MIB1: variants seen among roughly 807,000 people sequenced by gnomAD.
MIB1 encodes MIB E3 ubiquitin protein ligase 1.
MIB1 carries 278 observed loss-of-function variants against 124.5 expected under a neutral mutation model. The observed-to-expected ratio is 2.23, with a 90% CI of 2.02 to 2.47. The LOEUF (loss-of-function observed/expected upper bound fraction) is 2.47. Ranked by LOEUF, MIB1 falls within the 30% of genes most tolerant of loss-of-function variation. The pLI, the probability that MIB1 is intolerant of heterozygous loss-of-function variation, is 0.00. For missense variants in MIB1, 957 were observed against 1,254.4 expected (o/e 0.76, Z 3.58); for synonymous variants, 446 against 429.4 (o/e 1.04, Z -0.48).
At chr18:21,788,672 G>A (rs1391183512) in intron 6 of MIB1, among the ~76,000 whole-genome samples, 19 of 152,118 alleles carry the variant, frequency 1.2e-4, no homozygotes, top group Admixed American at 1.2e-3. Context: ...AAGAAGATGT[G>A]AAACTAACTT....
At chr18:21,708,273 A>G (rs911430255) in intron 1 of MIB1, among the ~76,000 whole-genome samples, 3 of 152,252 alleles carry the variant, frequency 2.0e-5, no homozygotes, top group East Asian at 3.8e-4. Flanking sequence ...TGGGGGCCTC[A>G]GTTCCTTGTC....
chr18:21,719,094 A>G (rs1164802050), intron 1 of MIB1, among the ~76,000 whole-genome samples: 2 of 151,984 alleles, frequency 1.3e-5, no homozygotes, highest in Admixed American at 6.6e-5. Flanking sequence ...AGGCCGAGGC[A>G]GGAGAATCGT....
At chr18:21,789,914 G>A (rs1255086144) in intron 6 of MIB1, among the ~76,000 whole-genome samples, 4 of 152,170 alleles carry the variant, frequency 2.6e-5, no homozygotes, top group African/African-American at 9.7e-5. Context: ...CTTGACAAGG[G>A]AACCTTTACT....
At chr18:21,734,533 C>CTCTT (rs1032149206) in intron 1 of MIB1, among the ~76,000 whole-genome samples, 1 of 148,574 alleles carries the variant, frequency 6.7e-6, no homozygotes, top group Non-Finnish European at 1.5e-5. Context: ...TTCTCTTTCT[C>CTCTT]TCTTTCTTTC....
chr18:21,819,836 G>A (rs1239556406), intron 12 of MIB1, among the ~76,000 whole-genome samples, 190 bp downstream of exon 12: 1 of 152,114 alleles, frequency 6.6e-6, no homozygotes, highest in Admixed American at 6.5e-5. Context: ...CAAATATTAT[G>A]AAATGATTAT....
intron 1 of MIB1, among the ~76,000 whole-genome samples, chr18:21,743,434 A>G (rs998301394): frequency 3.9e-5 from 6 of 152,256 alleles, no homozygotes; most frequent in Non-Finnish European, 7.3e-5. Flanking sequence ...TTTCTTTACA[A>G]TGATGCAGTG....
At chr18:21,744,412 T>C (rs1247246618) in intron 1 of MIB1, among the ~76,000 whole-genome samples, 1 of 152,196 alleles carries the variant, frequency 6.6e-6, no homozygotes, top group Non-Finnish European at 1.5e-5. Context: ...GTTAATATCT[T>C]AGCAAGTACA....
chr18:21,817,441 G>A (rs529089686), intron 11 of MIB1, among the ~76,000 whole-genome samples: 1 of 152,122 alleles, frequency 6.6e-6, no homozygotes, highest in African/African-American at 2.4e-5. Flanking sequence ...CTTTATGTAG[G>A]TGGATGAATA....
At chr18:21,714,007 T>G (rs2040677622) in intron 1 of MIB1, among the ~76,000 whole-genome samples, 1 of 152,220 alleles carries the variant, frequency 6.6e-6, no homozygotes, top group African/African-American at 2.4e-5. Context: ...TAATGCAGGC[T>G]TGTTTGCAGC....
chr18:21,842,163 A>G (rs1040824930), intron 13 of MIB1, among the ~76,000 whole-genome samples: 2 of 151,634 alleles, frequency 1.3e-5, no homozygotes, highest in Non-Finnish European at 2.9e-5. Flanking sequence ...CACACTTCAA[A>G]GAAACATAAT....
At chr18:21,766,858 G>A (rs2146408232) in intron 2 of MIB1, among the ~76,000 whole-genome samples, 1 of 152,198 alleles carries the variant, frequency 6.6e-6, no homozygotes. Flanking sequence ...GGACAGCATA[G>A]TAAGACCTCA....
At chr18:21,720,419 T>A (rs1158019041) in intron 1 of MIB1, among the ~76,000 whole-genome samples, 2 of 152,080 alleles carry the variant, frequency 1.3e-5, no homozygotes, top group African/African-American at 4.8e-5. Flanking sequence ...GGGATGTAAT[T>A]AGGAAAATCC....
chr18:21,761,767 C>G (rs1437343267), intron 1 of MIB1, among the ~76,000 whole-genome samples: 1 of 152,190 alleles, frequency 6.6e-6, no homozygotes. Context: ...GATTCACAAC[C>G]TGCCTGCACC....
At chr18:21,859,349 C>T (rs1464026270) in intron 20 of MIB1, among the ~76,000 whole-genome samples, 5 of 150,216 alleles carry the variant, frequency 3.3e-5, no homozygotes, top group South Asian at 4.2e-4. Flanking sequence ...GCTGTGATCA[C>T]GCCATTGCAC....
Position 21,868,565 on chromosome 18 carries a change from T to C in MIB1, c.*3899T>C, listed in dbSNP as rs2042336247. Reference sequence around the variant, plus strand: ...CTTTGAGTTTGTACAATTGGGAACATAATAGATTTTCATAAATTATGTGTG... The same window carrying C: ...CTTTGAGTTTGTACAATTGGGAACACAATAGATTTTCATAAATTATGTGTG... On this transcript the variant is annotated 3_prime_UTR_variant, in exon 21 of 21. Transcript: ENST00000261537. 6.6e-6 allele frequency: 1 copy of C among 152,458 alleles called. No homozygotes were observed. Among genetic ancestry groups the C allele is most frequent in the South Asian group, 2.1e-4 (1 of 4,836 alleles). The allele number at this position is 152,458 out of a possible 1,614,324, so 9.4% of individuals were successfully genotyped here.
intron 1 of MIB1, among the ~76,000 whole-genome samples, chr18:21,748,841 G>A (rs183648922): frequency 1.4e-4 from 21 of 148,466 alleles, no homozygotes; most frequent in Non-Finnish European, 2.8e-4. Context: ...CAGGTGATCC[G>A]CCTACCTCAG....
Position 21,750,760 on chromosome 18 carries a change from G to A in MIB1, c.229+8948G>A, listed in dbSNP as rs190000578. Among the ~76,000 whole-genome samples the A allele has an allele frequency of 4.3e-3, 653 of 152,134 alleles. 3 individuals carry two copies. Among genetic ancestry groups the A allele is most frequent in the Middle Eastern group, 0.034 (10 of 294 alleles). On this transcript the variant is annotated intron_variant, in intron 1 of 20. Coordinates refer to ENST00000261537, the MANE Select transcript of MIB1 (RefSeq NM_020774.4). ...ATTACAGGCGTGAGCCACTGCGCCC[G>A]GCCATCTCCTGCCCCACACCTCTTA...
chr18:21,751,773 C>T (rs1227402661), intron 1 of MIB1, among the ~76,000 whole-genome samples: 1 of 152,080 alleles, frequency 6.6e-6, no homozygotes, highest in Non-Finnish European at 1.5e-5. Context: ...TTTTGCCACA[C>T]TGTCTCTCTC....
chr18:21,756,681 C>T (rs2041035621), intron 1 of MIB1, among the ~76,000 whole-genome samples: 1 of 152,134 alleles, frequency 6.6e-6, no homozygotes, highest in African/African-American at 2.4e-5. Context: ...CTAGGCTGGT[C>T]TCAAACTCCT....
Sources: allele counts gnomAD v4.1 joint callset (sites outside exome capture counted in the v4.1 genomes callset), GRCh38; gene constraint gnomAD v4.1.1; transcripts MANE v1.5; gene names NCBI Gene and HGNC (gene_info 2026-07-23, HGNC 2026-07-21).